ADAM2: variants seen among roughly 807,000 people sequenced by gnomAD.
ADAM2 encodes ADAM metallopeptidase domain 2.
A neutral mutation model predicts 99.3 loss-of-function variants in ADAM2; 101 were observed. The observed-to-expected ratio is 1.02, with a 90% CI of 0.87 to 1.20. ADAM2 has a LOEUF of 1.20. Among genes scored for constraint, ADAM2 ranks in the 50% most tolerant of loss-of-function variants. The pLI, the probability that ADAM2 is intolerant of heterozygous loss-of-function variation, is 0.00. For synonymous variants in ADAM2, 323 were observed against 287.6 expected, an observed-to-expected ratio of 1.12 and a Z score of -1.25; for missense variants, 948 against 878.7, an observed-to-expected ratio of 1.08 and a Z score of -1.00.
chr8:39,775,132 G>A (rs1366310210), intron 11 of ADAM2, among the ~76,000 whole-genome samples: 1 of 152,130 alleles, frequency 6.6e-6, no homozygotes, highest in Non-Finnish European at 1.5e-5. Context: ...GGAATCTGGT[G>A]TTTCACTAAA....
intron 10 of ADAM2, among the ~76,000 whole-genome samples, chr8:39,780,595 TTAA>T (rs1803178054): frequency 6.6e-6 from 1 of 152,132 alleles, no homozygotes; most frequent in African/African-American, 2.4e-5. Flanking sequence ...GAAAGAACAC[TTAA>T]TAATTTATTT....
At chr8:39,836,717 T>C (rs1453628188) in intron 2 of ADAM2, among the ~76,000 whole-genome samples, 1 of 152,112 alleles carries the variant, frequency 6.6e-6, no homozygotes, top group South Asian at 2.1e-4. Flanking sequence ...ATATTCGCAA[T>C]CAGGGCTAAA....
In ADAM2 at chr8:39,746,528, C is replaced by T; in HGVS notation, c.2118G>A (p.Met706Ile). Reference protein sequence around the residue: ...FIIFCVLIAIMVKVNFQRKKW... With the variant: ...FIIFCVLIAIIVKVNFQRKKW... ...TTTTCCTTTGGAAATTAACTTTCAC[C>T]ATTATAGCAATCAGTACACAGAAAA... Residue 706 changes from methionine to isoleucine, a missense_variant, in exon 19 of 21, where the codon ATG (methionine) becomes ATA (isoleucine). By Grantham distance (10) the Met-to-Ile change is conservative (BLOSUM62 1). Transcript: ENST00000265708. The T allele has an allele frequency of 6.2e-7, 1 of 1,603,062 alleles. No individual in the cohort carries two copies. Among genetic ancestry groups the T allele is most frequent in the Non-Finnish European group, 8.5e-7 (1 of 1,175,494 alleles).
At chr8:39,813,003 G>C (rs1404234178) in intron 6 of ADAM2, among the ~76,000 whole-genome samples, 1 of 152,084 alleles carries the variant, frequency 6.6e-6, no homozygotes, top group Non-Finnish European at 1.5e-5. Flanking sequence ...TGGGAGAAAA[G>C]TTTTACAATC....
chr8:39,835,519 A>G (rs553765133), intron 2 of ADAM2, among the ~76,000 whole-genome samples: 19 of 152,058 alleles, frequency 1.2e-4, no homozygotes, highest in African/African-American at 3.9e-4. Flanking sequence ...CGTCTCTACT[A>G]AAAATACAAA....
intron 10 of ADAM2, among the ~76,000 whole-genome samples, chr8:39,778,403 A>G (rs189774841): frequency 2.6e-3 from 392 of 152,162 alleles, no homozygotes; most frequent in Non-Finnish European, 4.0e-3. Context: ...GATGTGAATG[A>G]AAGTGAGGTA....
chr8:39,785,867 G>A (rs1803448070), intron 10 of ADAM2, among the ~76,000 whole-genome samples: 1 of 151,424 alleles, frequency 6.6e-6, no homozygotes, highest in African/African-American at 2.4e-5. Flanking sequence ...GCACTTATAT[G>A]TTTATCACAG....
intron 6 of ADAM2, among the ~76,000 whole-genome samples, chr8:39,814,677 T>C (rs1804866116): frequency 6.6e-6 from 1 of 151,962 alleles, no homozygotes; most frequent in South Asian, 2.1e-4. Flanking sequence ...AATAGACAGA[T>C]AGATAGATAT....
At chr8:39,785,163 T>C (rs1415228563) in intron 10 of ADAM2, among the ~76,000 whole-genome samples, 1 of 152,254 alleles carries the variant, frequency 6.6e-6, no homozygotes, top group Admixed American at 6.5e-5. Context: ...GGTCTTCTTC[T>C]AGAACCCCTT....
At chr8:39,835,697 T>A (rs1215353825) in intron 2 of ADAM2, among the ~76,000 whole-genome samples, 2 of 144,132 alleles carry the variant, frequency 1.4e-5, no homozygotes, top group Middle Eastern at 3.6e-3. Context: ...AAAAAAAAAA[T>A]CTAGTAATTT....
At chr8:39,830,298 A>G (rs1805564161) in intron 3 of ADAM2, among the ~76,000 whole-genome samples, 1 of 152,146 alleles carries the variant, frequency 6.6e-6, no homozygotes, top group Non-Finnish European at 1.5e-5. Context: ...CTACACTATA[A>G]ATAATGGGGT....
intron 11 of ADAM2, among the ~76,000 whole-genome samples, chr8:39,776,720 T>C (rs185425172): frequency 2.0e-4 from 30 of 152,236 alleles, no homozygotes; most frequent in African/African-American, 6.3e-4. Context: ...TAATAAATAC[T>C]TTTTGTGTAG....
chr8:39,832,541 C>T (rs960608055), intron 3 of ADAM2, among the ~76,000 whole-genome samples: 3 of 152,154 alleles, frequency 2.0e-5, no homozygotes, highest in African/African-American at 7.2e-5. Flanking sequence ...CTTTATTATA[C>T]ATTTGGTTAT....
intron 7 of ADAM2, 108 bp from the exon 8 acceptor site, chr8:39,788,848 T>C: frequency 3.6e-6 from 2 of 560,606 alleles, no homozygotes; most frequent in South Asian, 1.1e-4. Flanking sequence ...ATTATTTAAA[T>C]TACAAACATA....
At chr8:39,821,410 T>C (rs980234469) in intron 5 of ADAM2, among the ~76,000 whole-genome samples, 176 bp downstream of exon 5, 9 of 152,200 alleles carry the variant, frequency 5.9e-5, no homozygotes, top group Admixed American at 6.5e-5. Flanking sequence ...TAAAAAATCA[T>C]AATCCTGCAT....
chr8:39,748,313 C>A lies in ADAM2; in HGVS notation c.2014+999G>T, dbSNP rs527595176. Among the ~76,000 whole-genome samples the A allele has an allele frequency of 9.9e-5, 15 of 152,182 alleles. No individual in the cohort carries two copies. In the South Asian group the frequency reaches 2.7e-3, roughly 27 times the overall value. On this transcript the variant is annotated intron_variant, in intron 18 of 20. Transcript: ENST00000265708. Reference sequence around the variant, plus strand: ...AAACCAACCTGGAAAGGAGTGGTCTCCACTGCTCATTGGGAAATGGCATGT... The same window carrying A: ...AAACCAACCTGGAAAGGAGTGGTCTACACTGCTCATTGGGAAATGGCATGT...
At chr8:39,826,824 G>T (rs1264240223) in intron 3 of ADAM2, among the ~76,000 whole-genome samples, 1 of 152,052 alleles carries the variant, frequency 6.6e-6, no homozygotes, top group East Asian at 1.9e-4. Context: ...GCTTGACATT[G>T]GTCTGGGTGA....
intron 15 of ADAM2, among the ~76,000 whole-genome samples, chr8:39,758,895 A>G (rs1802250485): frequency 6.6e-6 from 1 of 152,128 alleles, no homozygotes; most frequent in Admixed American, 6.5e-5. Context: ...AATAACAATT[A>G]TTGTGTCTAA....
In ADAM2 at chr8:39,761,070, CT is replaced by C. The variant is rs1001052075; in HGVS notation, c.1613+105del. The C allele has an allele frequency of 5.3e-6, 3 of 571,074 alleles. No homozygotes were observed. In the African/African-American group the frequency reaches 5.8e-5, roughly 11 times the overall value. 35.4% of individuals were successfully genotyped at this position (571,074 alleles called of 1,614,324 possible). A position where few individuals can be genotyped will look rare whatever the true frequency, so the allele number is the denominator to read the frequency against. On this transcript the variant is annotated intron_variant, in intron 15 of 20. Transcript: ENST00000265708. ...TATAATTTGAATAAACATGGTCTTACTTTATGTTCAGGGGATATTTTGCTTA... is the reference window on the plus strand; with the variant it reads ...TATAATTTGAATAAACATGGTCTTACTTATGTTCAGGGGATATTTTGCTTA...
Sources: gnomAD v4.1 joint callset for allele counts (sites outside exome capture counted in the v4.1 genomes callset) on GRCh38, gnomAD v4.1.1 for gene constraint, MANE v1.5 for transcripts, NCBI Gene and HGNC (gene_info 2026-07-23, HGNC 2026-07-21) for gene names.